The following GFPT2 variants were observed in gnomAD, a reference collection of about 807,000 sequenced individuals.
The protein encoded by GFPT2 is glutamine--fructose-6-phosphate aminotransferase [isomerizing] 2.
In GFPT2, 62 loss-of-function variants were observed where a neutral mutation model predicts 85.6. The ratio of observed to expected loss-of-function variants is 0.72; its 90% CI spans 0.59 to 0.90. The LOEUF (loss-of-function observed/expected upper bound fraction) is 0.90, where lower values mean the gene tolerates loss of function less well. Among genes scored for constraint, GFPT2 ranks in the 40% least tolerant of loss-of-function variants. GFPT2 has a pLI of 0.00. For missense variants in GFPT2, 788 were observed against 893.4 expected, an observed-to-expected ratio of 0.88 and a Z score of 1.50; for synonymous variants, 368 against 344.5, an observed-to-expected ratio of 1.07 and a Z score of -0.75.
intron 7 of GFPT2, among the ~76,000 whole-genome samples, chr5:180,326,977 A>G (rs1164905882): frequency 6.6e-6 from 1 of 152,240 alleles, no homozygotes; most frequent in Non-Finnish European, 1.5e-5. Context: ...ATAGGAACCA[A>G]CTGGTATTTT....
chr5:180,307,417 C>T, intron 15 of GFPT2, 114 bp from the exon 16 acceptor site: 2 of 992,998 alleles, frequency 2.0e-6, no homozygotes, highest in South Asian at 1.6e-5. Flanking sequence ...TCACTTAGCA[C>T]ACTTTGCTTC....
chr5:180,302,331 T>C lies in GFPT2; in HGVS notation c.2004+92A>G. 4 of 870,134 alleles carry C rather than the reference T, an allele frequency of 4.6e-6. No homozygotes were observed. The Admixed American group carries it at 7.1e-5, about 16-fold the overall frequency. The allele number at this position is 870,134 out of a possible 1,614,324, so 53.9% of individuals were successfully genotyped here. On this transcript the variant is annotated intron_variant, in intron 18 of 18. Coordinates refer to ENST00000253778, the MANE Select transcript of GFPT2 (RefSeq NM_005110.4). Reference sequence around the variant, plus strand: ...CTACTTTAAATAAAATTATTTACTCTATGACTATTTACTCCAAGTATTTAA... The same window carrying C: ...CTACTTTAAATAAAATTATTTACTCCATGACTATTTACTCCAAGTATTTAA...
chr5:180,343,566 A>C (rs1454754672), intron 1 of GFPT2, among the ~76,000 whole-genome samples: 1 of 152,264 alleles, frequency 6.6e-6, no homozygotes, highest in East Asian at 1.9e-4. Flanking sequence ...CACTTCTTTC[A>C]TGAAGGAAGC....
rs570640701 is a variant in GFPT2, at chr5:180,302,355, A to G, written c.2004+68T>C. On this transcript the variant is annotated intron_variant, in intron 18 of 18. Coordinates refer to ENST00000253778, the MANE Select transcript of GFPT2 (RefSeq NM_005110.4). ...CTATGACTATTTACTCCAAGTATTT[A>G]AAGAACAGAAAGGAACTCTGGGGTT... 3 of 1,184,938 alleles carry G rather than the reference A, an allele frequency of 2.5e-6. No homozygotes were observed. The African/African-American group carries it at 4.6e-5, about 18-fold the overall frequency. 73.4% of individuals were successfully genotyped at this position (1,184,938 alleles called of 1,614,324 possible). A position where few individuals can be genotyped will look rare whatever the true frequency, so the allele number is the denominator to read the frequency against.
At chr5:180,316,692 G>A (rs541250829) in intron 12 of GFPT2, 72 bp downstream of exon 12, 10 of 1,108,046 alleles carry the variant, frequency 9.0e-6, no homozygotes, top group African/African-American at 4.6e-5. Flanking sequence ...GGCCACATGA[G>A]TGATAAAACT....
rs1764054657 is a variant in GFPT2 at position 180,318,426 on chromosome 5, G to A, written c.958+367C>T. 5.3e-5 allele frequency among the ~76,000 whole-genome samples: 8 copies of A among 152,110 alleles called. No homozygotes were observed. Among genetic ancestry groups the A allele is most frequent in the Admixed American group, 5.2e-4 (8 of 15,264 alleles). ...CAGACAGAGAGGCTCTCCTTGTAGG[G>A]AGAAAGTGTACCCCCACCCCCCATT... is the stretch of plus-strand genomic sequence containing the variant. On this transcript the variant is annotated intron_variant, in intron 10 of 18. Transcript: ENST00000253778. This position sits in a 1 kb window ranked among gnomAD's most constrained non-coding sequence, Gnocchi z 4.2.
chr5:180,303,454 A>G (rs1350294093), intron 17 of GFPT2, among the ~76,000 whole-genome samples: 2 of 152,216 alleles, frequency 1.3e-5, no homozygotes, highest in African/African-American at 4.8e-5. Context: ...GCGCGGGCGC[A>G]ATGAGAGTGG....
At chr5:180,319,170 A>C (rs1056693970) in intron 9 of GFPT2, among the ~76,000 whole-genome samples, 4 of 152,216 alleles carry the variant, frequency 2.6e-5, no homozygotes, top group African/African-American at 4.8e-5. Flanking sequence ...CCAGTCCCAG[A>C]CATTATATCA....
chr5:180,350,978 AG>A, intron 1 of GFPT2, among the ~76,000 whole-genome samples: 1 of 152,332 alleles, frequency 6.6e-6, no homozygotes, highest in Admixed American at 6.5e-5. Flanking sequence ...CAGACTTCGC[AG>A]GGCCTCAGCT....
At chr5:180,321,095 G>A (rs1322112080) in intron 9 of GFPT2, among the ~76,000 whole-genome samples, 5 of 151,230 alleles carry the variant, frequency 3.3e-5, no homozygotes, top group Admixed American at 6.6e-5. Flanking sequence ...AAATAACTTC[G>A]TATGCTTTGT....
chr5:180,333,661 T>C (rs1764348825), intron 4 of GFPT2, among the ~76,000 whole-genome samples: 1 of 152,246 alleles, frequency 6.6e-6, no homozygotes, highest in South Asian at 2.1e-4. Context: ...TGTAATTTCC[T>C]TGTGTGGTAT....
At chr5:180,306,731 G>A (rs1763784427) in intron 16 of GFPT2, among the ~76,000 whole-genome samples, 1 of 152,184 alleles carries the variant, frequency 6.6e-6, no homozygotes, top group African/African-American at 2.4e-5. Flanking sequence ...AAAAGCGAAG[G>A]CCCCATGGAC....
In GFPT2 at chr5:180,313,842, T is replaced by C; in HGVS notation, c.1396A>G (p.Asn466Asp). The C allele has an allele frequency of 6.3e-7, 1 of 1,591,192 alleles. No individual in the cohort carries two copies. The highest frequency in any genetic ancestry group is 8.5e-7 in the Non-Finnish European group (1 of 1,172,080). ...GCCACGCCGATCTCCGGCCCTGCGT[T>C]GATGTGGACGCCGCAGTCGGTCTCG... ...SRETDCGVHI[N>D]AGPEIGVAST... Residue 466 changes from asparagine (N) to aspartate (D), a missense_variant, in exon 14 of 19, where the codon AAC (asparagine) becomes GAC (aspartate). Asn to Asp is a conservative substitution (Grantham distance 23, BLOSUM62 1). Coordinates refer to ENST00000253778, the MANE Select transcript of GFPT2 (RefSeq NM_005110.4).
intron 16 of GFPT2, among the ~76,000 whole-genome samples, chr5:180,305,921 C>T (rs1763767142): frequency 6.6e-6 from 1 of 152,042 alleles, no homozygotes; most frequent in Admixed American, 6.6e-5. Flanking sequence ...AGGAAATCAA[C>T]TCTGAATGTT....
At chr5:180,303,193 G>C (rs1434082846) in intron 17 of GFPT2, among the ~76,000 whole-genome samples, 1 of 148,858 alleles carries the variant, frequency 6.7e-6, no homozygotes, top group African/African-American at 2.5e-5. Flanking sequence ...TGGCGCCACT[G>C]CACTCCAGCC....
At position 180,328,170 on chromosome 5, in the gene GFPT2, C is replaced by G; in HGVS notation, c.596+107G>C. Reference sequence around the variant, plus strand: ...AGCCACAGTTGTTCTTTAGACACCACGAGCACCTTTCAGCGTGCCACAGGC... The same window carrying G: ...AGCCACAGTTGTTCTTTAGACACCAGGAGCACCTTTCAGCGTGCCACAGGC... On this transcript the variant is annotated intron_variant, in intron 7 of 18. Coordinates refer to ENST00000253778, the MANE Select transcript of GFPT2 (RefSeq NM_005110.4). The surrounding 1 kb of genome is among the most constrained non-coding windows in gnomAD (Gnocchi z 5.4). 11 of 832,646 alleles carry G rather than the reference C, an allele frequency of 1.3e-5. No homozygotes were observed. The highest frequency in any genetic ancestry group is 1.2e-5 in the Non-Finnish European group (6 of 487,764). The allele number at this position is 832,646 out of a possible 1,614,324, so 51.6% of individuals were successfully genotyped here. A position where few individuals can be genotyped will look rare whatever the true frequency, so the allele number is the denominator to read the frequency against.
chr5:180,318,525 T>C lies in GFPT2; in HGVS notation c.958+268A>G, dbSNP rs1764056322. ...GTGGGCATGTGTCCCGCGGAGTCGG[T>C]GAAGGAAGGCAGCTGACACACTGGG... On this transcript the variant is annotated intron_variant, in intron 10 of 18. Transcript: ENST00000253778. This position sits in a 1 kb window ranked among gnomAD's most constrained non-coding sequence, Gnocchi z 4.2. 1 of 452,200 alleles carries C rather than the reference T, an allele frequency of 2.2e-6. No homozygotes were observed. Among genetic ancestry groups the C allele is most frequent in the South Asian group, 3.0e-5 (1 of 33,130 alleles). 28.0% of individuals were successfully genotyped at this position (452,200 alleles called of 1,614,324 possible).
chr5:180,336,269 A>G (rs1051565093), intron 3 of GFPT2: 13 of 606,350 alleles, frequency 2.1e-5, no homozygotes, highest in Non-Finnish European at 3.2e-5. Flanking sequence ...AACCCTTCAC[A>G]CTTAAAAAAA....
chr5:180,338,480 G>A lies in GFPT2; in HGVS notation c.115+13C>T. Reference sequence around the variant, plus strand: ...CCGGTCCCCAGCCACGAGGCGGGCGGCCGCACACCCACCTGCCGAGTCGTA... The same window carrying A: ...CCGGTCCCCAGCCACGAGGCGGGCGACCGCACACCCACCTGCCGAGTCGTA... On this transcript the variant is annotated intron_variant, in intron 2 of 18. Coordinates refer to ENST00000253778, the MANE Select transcript of GFPT2 (RefSeq NM_005110.4). The A allele has an allele frequency of 2.0e-6, 3 of 1,495,760 alleles. No homozygotes were observed. The highest frequency in any genetic ancestry group is 1.9e-6 in the Non-Finnish European group (2 of 1,074,722). 92.7% of individuals were successfully genotyped at this position (1,495,760 alleles called of 1,614,324 possible).
Sources: gnomAD v4.1 joint callset for allele counts (sites outside exome capture counted in the v4.1 genomes callset) on GRCh38, gnomAD v4.1.1 for gene constraint, Gnocchi (gnomAD v3.1) non-coding constraint, MANE v1.5 for transcripts, NCBI Gene and HGNC (gene_info 2026-07-23, HGNC 2026-07-21) for gene names.